Variants in CALN1 observed in about 807,000 individuals in gnomAD.
CALN1 encodes the protein calcium-binding protein 8.
CALN1 carries 17 observed loss-of-function variants against 30.6 expected under a neutral mutation model. The observed-to-expected ratio is 0.56, with a 90% CI of 0.38 to 0.83. The LOEUF (loss-of-function observed/expected upper bound fraction) is 0.83. Ranked by LOEUF, CALN1 falls within the 40% of genes least tolerant of loss-of-function variation. The pLI is 0.00. For synonymous variants in CALN1, 156 were observed against 131.4 expected (o/e 1.19, Z -1.28); for missense variants, 291 against 354.9 (o/e 0.82, Z 1.45).
At chr7:71,835,977 C>T (rs1319595162) in intron 5 of CALN1, among the ~76,000 whole-genome samples, 1 of 152,214 alleles carries the variant, frequency 6.6e-6, no homozygotes, top group Non-Finnish European at 1.5e-5. Context: ...GGCTAGGTGA[C>T]TTGCTTTGGG....
chr7:72,362,454 C>T (rs1299996552), intron 2 of CALN1, among the ~76,000 whole-genome samples: 1 of 152,106 alleles, frequency 6.6e-6, no homozygotes, highest in Non-Finnish European at 1.5e-5. Flanking sequence ...TAGGCATCAC[C>T]CTAGGAGGGT....
chr7:71,836,538 C>G (rs144743044), intron 5 of CALN1, among the ~76,000 whole-genome samples: 102 of 152,204 alleles, frequency 6.7e-4, no homozygotes, highest in African/African-American at 2.3e-3. Context: ...ATTCCATGCT[C>G]TCTGCACATT....
chr7:72,365,348 T>A lies in CALN1; in HGVS notation c.119+37903A>T, dbSNP rs557635059. Among the ~76,000 whole-genome samples, 48 of 152,118 alleles carry A rather than the reference T, an allele frequency of 3.2e-4. 1 individual carries two copies. In the South Asian group the frequency reaches 1.0e-2, roughly 32 times the overall value. ...ACCTTGTCTCAAAAGAAGAAAAAAA[T>A]AATAATTATATCTTCAGTATGTACA... On this transcript the variant is annotated intron_variant, in intron 2 of 6. Coordinates refer to ENST00000395275, the MANE Select transcript of CALN1 (RefSeq NM_031468.4).
At chr7:72,078,716 A>G (rs1042857575) in intron 4 of CALN1, among the ~76,000 whole-genome samples, 2 of 152,086 alleles carry the variant, frequency 1.3e-5, no homozygotes, top group Non-Finnish European at 2.9e-5. Flanking sequence ...CGGGCAGACC[A>G]CCTGAGGTCA....
At chr7:72,383,913 T>C (rs1030038414) in intron 2 of CALN1, among the ~76,000 whole-genome samples, 4 of 152,186 alleles carry the variant, frequency 2.6e-5, no homozygotes, top group African/African-American at 7.2e-5. Flanking sequence ...GTTTGTTACA[T>C]AGGGATACAT....
intron 4 of CALN1, among the ~76,000 whole-genome samples, chr7:72,031,345 T>C (rs1441099014): frequency 6.6e-6 from 1 of 152,174 alleles, no homozygotes; most frequent in African/African-American, 2.4e-5. Context: ...AGAGTAATAA[T>C]AAATAATAGG....
chr7:72,439,032 A>G (rs959572061), intron 1 of CALN1, among the ~76,000 whole-genome samples: 9 of 152,158 alleles, frequency 5.9e-5, no homozygotes, highest in African/African-American at 1.4e-4. Context: ...GAAAATCTGC[A>G]TACGACTTTT....
the CALN1 span, among the ~76,000 whole-genome samples, chr7:72,494,786 G>A: frequency 1.1e-4 from 16 of 152,168 alleles, no homozygotes; most frequent in South Asian, 1.7e-3. Flanking sequence ...AAGATCGCTG[G>A]AGCTCAAGAG....
chr7:72,133,169 T>C (rs1022158715), intron 3 of CALN1, among the ~76,000 whole-genome samples: 1 of 152,100 alleles, frequency 6.6e-6, no homozygotes, highest in Non-Finnish European at 1.5e-5. Flanking sequence ...GTTCATTTGA[T>C]GGACACTACA....
chr7:72,336,172 C>G (rs775473775), intron 2 of CALN1, among the ~76,000 whole-genome samples: 1 of 152,180 alleles, frequency 6.6e-6, no homozygotes, highest in Non-Finnish European at 1.5e-5. Flanking sequence ...GCAGTCAGCG[C>G]TAGGGGCCGG....
chr7:72,349,317 T>C (rs1000338258), intron 2 of CALN1, among the ~76,000 whole-genome samples: 2 of 104,246 alleles, frequency 1.9e-5, no homozygotes, highest in Non-Finnish European at 4.0e-5. Flanking sequence ...TGTGTGTGTG[T>C]GTGTGTTGGG....
At chr7:72,343,366 G>A (rs945927855) in intron 2 of CALN1, among the ~76,000 whole-genome samples, 1 of 152,012 alleles carries the variant, frequency 6.6e-6, no homozygotes, top group African/African-American at 2.4e-5. Flanking sequence ...GGTCAACATG[G>A]TGAAACTCTG....
At chr7:71,903,763 A>G (rs560248294) in intron 5 of CALN1, among the ~76,000 whole-genome samples, 65 of 152,322 alleles carry the variant, frequency 4.3e-4, no homozygotes, top group Middle Eastern at 3.4e-3. Context: ...TGACAAGACA[A>G]CCTACAGAAT....
chr7:72,470,546 G>A, the CALN1 span, among the ~76,000 whole-genome samples: 2 of 152,180 alleles, frequency 1.3e-5, no homozygotes, highest in African/African-American at 4.8e-5. Context: ...TAGATTTCTT[G>A]TTTTTCATCA....
intron 5 of CALN1, among the ~76,000 whole-genome samples, chr7:71,986,738 T>G (rs182324023): frequency 1.3e-5 from 2 of 152,320 alleles, no homozygotes; most frequent in Non-Finnish European, 2.9e-5. Flanking sequence ...TGCTGCATAG[T>G]TTAACATTTG....
the CALN1 span, among the ~76,000 whole-genome samples, chr7:72,453,988 C>A: frequency 6.8e-6 from 1 of 146,102 alleles, no homozygotes; most frequent in Non-Finnish European, 1.5e-5. Context: ...AATTCACAAC[C>A]AAAAAATATA....
chr7:72,291,664 C>A (rs1465327347), intron 2 of CALN1, among the ~76,000 whole-genome samples: 1 of 152,122 alleles, frequency 6.6e-6, no homozygotes, highest in Non-Finnish European at 1.5e-5. Context: ...GAGACTGAGT[C>A]TAGCTCCCAC....
intron 3 of CALN1, among the ~76,000 whole-genome samples, chr7:72,203,601 C>T (rs1585154814): frequency 6.6e-6 from 1 of 152,140 alleles, no homozygotes; most frequent in African/African-American, 2.4e-5. Flanking sequence ...CTACAGTCCA[C>T]ACCAAGTTTT....
At chr7:72,270,106 T>A (rs1192981233) in intron 3 of CALN1, among the ~76,000 whole-genome samples, 5 of 151,902 alleles carry the variant, frequency 3.3e-5, no homozygotes, top group African/African-American at 1.2e-4. Context: ...TGTGTGTGTG[T>A]GTATGTATGT....
Sources: gnomAD v4.1 joint callset for allele counts (sites outside exome capture counted in the v4.1 genomes callset) on GRCh38, gnomAD v4.1.1 for gene constraint, MANE v1.5 for transcripts, NCBI Gene and HGNC (gene_info 2026-07-23, HGNC 2026-07-21) for gene names.